MLLT3: variants seen among roughly 807,000 people sequenced by gnomAD.
MLLT3 encodes the protein MLLT3 super elongation complex subunit.
MLLT3 carries 4 observed loss-of-function variants against 53.2 expected under a neutral mutation model. The ratio of observed to expected loss-of-function variants is 0.08; its 90% CI spans 0.04 to 0.17. MLLT3 has a LOEUF of 0.17. Ranked by LOEUF, MLLT3 falls within the 10% of genes least tolerant of loss-of-function variation. The pLI, the probability that MLLT3 is intolerant of heterozygous loss-of-function variation, is 1.00. For synonymous variants in MLLT3, 283 were observed against 230.6 expected, an observed-to-expected ratio of 1.23 and a Z score of -2.06; for missense variants, 569 against 684.0, an observed-to-expected ratio of 0.83 and a Z score of 1.87.
chr9:20,530,448 A>C (rs1361742176), intron 2 of MLLT3, among the ~76,000 whole-genome samples: 3 of 152,234 alleles, frequency 2.0e-5, no homozygotes, highest in African/African-American at 4.8e-5. Flanking sequence ...GTCACCTATC[A>C]AAATGTTCAG....
intron 4 of MLLT3, among the ~76,000 whole-genome samples, chr9:20,440,227 T>C (rs1288338298): frequency 6.6e-6 from 1 of 152,186 alleles, no homozygotes; most frequent in Non-Finnish European, 1.5e-5. Flanking sequence ...ACAATTGAAT[T>C]TGTGCCTTCA....
chr9:20,571,961 G>A (rs770889303), intron 2 of MLLT3, among the ~76,000 whole-genome samples: 1 of 152,184 alleles, frequency 6.6e-6, no homozygotes, highest in Non-Finnish European at 1.5e-5. Flanking sequence ...TTGGAAAACA[G>A]TATGGAAGTT....
intron 2 of MLLT3, among the ~76,000 whole-genome samples, chr9:20,482,904 G>C (rs1159797308): frequency 1.3e-5 from 2 of 152,096 alleles, no homozygotes; most frequent in African/African-American, 4.8e-5. Context: ...CCGATAACCT[G>C]TTAGGTGACT....
chr9:20,512,086 C>T (rs1817767031), intron 2 of MLLT3, among the ~76,000 whole-genome samples: 2 of 152,172 alleles, frequency 1.3e-5, no homozygotes, highest in South Asian at 4.1e-4. Context: ...TGCACTTAAC[C>T]TAGCACTACA....
rs139135875 is a variant in MLLT3 at position 20,420,248 on chromosome 9, A to C, written c.421-5823T>G. On this transcript the variant is annotated intron_variant, in intron 4 of 10. Coordinates refer to ENST00000380338, the MANE Select transcript of MLLT3 (RefSeq NM_004529.4). Reference sequence around the variant, plus strand: ...ATGAACAAGGTGAAAAGACAGTAATAAGATCAAGTATAACTTAGAATAAAA... The same window carrying C: ...ATGAACAAGGTGAAAAGACAGTAATCAGATCAAGTATAACTTAGAATAAAA... 3.7e-3 allele frequency among the ~76,000 whole-genome samples: 561 copies of C among 152,350 alleles called. 7 individuals carry two copies. The highest frequency in any genetic ancestry group is 0.013 in the African/African-American group (544 of 41,592).
intron 2 of MLLT3, among the ~76,000 whole-genome samples, chr9:20,524,964 T>TA (rs1407197275): frequency 1.3e-5 from 2 of 151,788 alleles, no homozygotes; most frequent in Non-Finnish European, 2.9e-5. Context: ...CAGAGGGCGC[T>TA]ACAACATCCT....
chr9:20,591,341 C>A (rs551574565), intron 2 of MLLT3, among the ~76,000 whole-genome samples: 11 of 152,182 alleles, frequency 7.2e-5, no homozygotes, highest in African/African-American at 2.6e-4. Flanking sequence ...GAAAAGGTTC[C>A]CAGTCAATAG....
At chr9:20,561,318 A>G (rs540249106) in intron 2 of MLLT3, among the ~76,000 whole-genome samples, 66 of 152,256 alleles carry the variant, frequency 4.3e-4, no homozygotes, top group Non-Finnish European at 5.9e-4. Flanking sequence ...CTCATTTTAA[A>G]AATAGCAATC....
Position 20,500,241 on chromosome 9 carries a change from T to C in MLLT3, c.194-43455A>G, listed in dbSNP as rs147414336. The stretch of plus-strand genomic sequence containing the variant: ...GCAGGGCAAAGGTCTGGCTGCTTAA[T>C]ACAGTTGGTCTTCTCAGGGCCCTTG... On this transcript the variant is annotated intron_variant, in intron 2 of 10. Coordinates refer to ENST00000380338, the MANE Select transcript of MLLT3 (RefSeq NM_004529.4). 5.0e-3 allele frequency among the ~76,000 whole-genome samples: 760 copies of C among 152,196 alleles called. 5 individuals carry two copies. The highest frequency in any genetic ancestry group is 0.016 in the African/African-American group (671 of 41,536).
At chr9:20,391,311 G>C (rs538029705) in intron 5 of MLLT3, among the ~76,000 whole-genome samples, 41 of 152,270 alleles carry the variant, frequency 2.7e-4, no homozygotes, top group African/African-American at 9.9e-4. Flanking sequence ...AAAGCAGAGG[G>C]AAAAAGAAGA....
intron 3 of MLLT3, among the ~76,000 whole-genome samples, chr9:20,456,181 C>T (rs527314699): frequency 6.6e-5 from 10 of 152,032 alleles, no homozygotes; most frequent in African/African-American, 1.2e-4. Context: ...TCAAGTGATC[C>T]GCCCGCCTCG....
chr9:20,515,919 C>T (rs963968023), intron 2 of MLLT3, among the ~76,000 whole-genome samples: 1 of 152,202 alleles, frequency 6.6e-6, no homozygotes, highest in East Asian at 1.9e-4. Flanking sequence ...ATATATTCCA[C>T]ACCAGAGCAA....
chr9:20,527,139 G>A (rs1248203581), intron 2 of MLLT3, among the ~76,000 whole-genome samples: 1 of 152,158 alleles, frequency 6.6e-6, no homozygotes, highest in Non-Finnish European at 1.5e-5. Flanking sequence ...ACCAGCCTAT[G>A]AGTGTTCTAG....
At chr9:20,397,883 T>C (rs954415653) in intron 5 of MLLT3, among the ~76,000 whole-genome samples, 29 of 152,044 alleles carry the variant, frequency 1.9e-4, no homozygotes, top group African/African-American at 7.0e-4. Flanking sequence ...CCAATGAATA[T>C]AATTAAATAT....
At chr9:20,374,474 G>C (rs541051843) in intron 5 of MLLT3, among the ~76,000 whole-genome samples, 2 of 152,274 alleles carry the variant, frequency 1.3e-5, no homozygotes, top group Admixed American at 6.5e-5. Context: ...TCCCATTAAT[G>C]GGTAAAATAT....
intron 2 of MLLT3, among the ~76,000 whole-genome samples, chr9:20,490,408 T>A (rs886918623): frequency 1.3e-5 from 2 of 152,252 alleles, no homozygotes; most frequent in African/African-American, 4.8e-5. Context: ...ACGCCATTGC[T>A]GGCTTTGAAA....
At chr9:20,351,241 C>A (rs910528026) in intron 10 of MLLT3, among the ~76,000 whole-genome samples, 1 of 152,142 alleles carries the variant, frequency 6.6e-6, no homozygotes, top group Admixed American at 6.5e-5. Flanking sequence ...GCAGACAATT[C>A]GAAAAGAATG....
Position 20,620,730 on chromosome 9 carries a change from C to T in MLLT3, c.117G>A (p.Pro39=), listed in dbSNP as rs754413642. The T allele has an allele frequency of 1.2e-6, 2 of 1,614,166 alleles. No homozygotes were observed. The highest frequency in any genetic ancestry group is 2.2e-5 in the East Asian group (1 of 44,878). Residue 39 remains proline (P), a synonymous_variant, in exon 2 of 11, where the codon CCG becomes CCA. Transcript: ENST00000380338. This position sits in a 1 kb window ranked among gnomAD's most constrained non-coding sequence, Gnocchi z 6.1. ...THDWMVFVRG[P]EHSNIQHFVE... is the part of the protein sequence containing the mutation. ...CAAAGTGCTGTATGTTACTGTGCTC[C>T]GGACCGCGTACGAACACCATCCAGT...
chr9:20,359,210 T>TTA lies in MLLT3; in HGVS notation c.1431+1531_1431+1532insTA, dbSNP rs139636758. On this transcript the variant is annotated intron_variant, in intron 8 of 10. Transcript: ENST00000380338. ...GGTTCAAATTCTATTCTAATGCTAG[T>TTA]TCTCACTGAAGCACAAATTTACAAA... is the stretch of plus-strand genomic sequence containing the variant. Among the ~76,000 whole-genome samples the TTA allele has an allele frequency of 5.7e-3, 854 of 149,938 alleles. 8 individuals carry two copies. Among genetic ancestry groups the TTA allele is most frequent in the South Asian group, 0.024 (113 of 4,692 alleles).
Sources: allele counts gnomAD v4.1 joint callset (sites outside exome capture counted in the v4.1 genomes callset), GRCh38; gene constraint gnomAD v4.1.1; non-coding constraint Gnocchi (gnomAD v3.1); transcripts MANE v1.5; gene names NCBI Gene and HGNC (gene_info 2026-07-23, HGNC 2026-07-21).